IMPG2: variants seen among roughly 807,000 people sequenced by gnomAD.
IMPG2 encodes the protein interphotoreceptor matrix proteoglycan 2.
A neutral mutation model predicts 129.2 loss-of-function variants in IMPG2; 91 were observed. The observed-to-expected ratio is 0.70, with a 90% confidence interval of 0.59 to 0.84. The LOEUF (loss-of-function observed/expected upper bound fraction) is 0.84. IMPG2 is among the 40% of genes least tolerant of loss of function. The probability of loss-of-function intolerance (pLI) is 0.00; values close to 1 mark genes in which losing one functional copy is unlikely to be tolerated. For missense variants in IMPG2, 1,430 were observed against 1,461.7 expected, an observed-to-expected ratio of 0.98 and a Z score of 0.35; for synonymous variants, 510 against 517.7, an observed-to-expected ratio of 0.99 and a Z score of 0.20.
rs765940937 is a variant in IMPG2, at chr3:101,320,308, C to T, written c.65G>A (p.Gly22Glu). 40 of 1,591,986 alleles carry T rather than the reference C, an allele frequency of 2.5e-5. No homozygotes were observed. Among genetic ancestry groups the T allele is most frequent in the Non-Finnish European group, 3.4e-5 (40 of 1,160,768 alleles). Residue 22 changes from glycine (G) to glutamate (E), a missense_variant, in exon 1 of 19, where the codon GGA becomes GAA. Coordinates refer to ENST00000193391, the MANE Select transcript of IMPG2 (RefSeq NM_016247.4). ...LGILIFVLIEGDFPSLTAQTY... is the reference protein window; with the variant it reads ...LGILIFVLIEEDFPSLTAQTY... ...AATACCTGTTAATGATGGAAAGTCTCCTTCTATCAGGACAAATATCAAAAT... is the reference window on the plus strand; with the variant it reads ...AATACCTGTTAATGATGGAAAGTCTTCTTCTATCAGGACAAATATCAAAAT...
At chr3:101,287,486 A>G (rs2107123120) in intron 4 of IMPG2, among the ~76,000 whole-genome samples, 1 of 152,288 alleles carries the variant, frequency 6.6e-6, no homozygotes, top group South Asian at 2.1e-4. Context: ...CCAACTTCCA[A>G]CCACACTATA....
Position 101,244,635 on chromosome 3 carries a change from G to A in IMPG2, c.1696C>T (p.Pro566Ser). The A allele has an allele frequency of 6.2e-7, 1 of 1,612,490 alleles. No individual in the cohort carries two copies. The highest frequency in any genetic ancestry group is 1.1e-5 in the South Asian group (1 of 90,662). The stretch of plus-strand genomic sequence containing the variant: ...GAGGTCAAGGAGTCCAAGCCAAAAG[G>A]TATAGAAGAGGTCAGATATGGTGAA... Reference protein sequence around the residue: ...TSSPYLTSSIPFGLDSLTSKV... With the variant: ...TSSPYLTSSISFGLDSLTSKV... Residue 566 changes from proline (P) to serine (S), a missense_variant, in exon 13 of 19, where the codon CCT becomes TCT. Coordinates refer to ENST00000193391, the MANE Select transcript of IMPG2 (RefSeq NM_016247.4).
At chr3:101,309,215 G>T (rs562958649) in intron 2 of IMPG2, among the ~76,000 whole-genome samples, 1 of 152,166 alleles carries the variant, frequency 6.6e-6, no homozygotes, top group African/African-American at 2.4e-5. Context: ...TCCAACCTCT[G>T]CCTGTTACCC....
At chr3:101,291,534 A>C in intron 3 of IMPG2, 24 bp from the exon 4 acceptor site, 1 of 1,592,982 alleles carries the variant, frequency 6.3e-7, no homozygotes, top group Non-Finnish European at 8.6e-7. Flanking sequence ...AGATATAAAA[A>C]TGACTGAGTT....
Position 101,312,333 on chromosome 3 carries a change from A to T in IMPG2, c.334+7251T>A, listed in dbSNP as rs368780245. Among the ~76,000 whole-genome samples the T allele has an allele frequency of 2.4e-4, 37 of 152,240 alleles. No homozygotes were observed. The East Asian group carries it at 4.6e-3, about 19-fold the overall frequency. On this transcript the variant is annotated intron_variant, in intron 2 of 18. Transcript: ENST00000193391. ...TAAATTACAGCTCAATAATAAAAAGACAAATAACATAATTTAAAAATGGGC... is the reference window on the plus strand; with the variant it reads ...TAAATTACAGCTCAATAATAAAAAGTCAAATAACATAATTTAAAAATGGGC...
At position 101,272,312 on chromosome 3, in the gene IMPG2, G is replaced by A. The variant is rs151042627; in HGVS notation, c.828+1269C>T. On this transcript the variant is annotated intron_variant, in intron 7 of 18. Coordinates refer to ENST00000193391, the MANE Select transcript of IMPG2 (RefSeq NM_016247.4). ...TGAGACATGATCCCCTGCCTCTGCT[G>A]TTTCATGCAAAGTGACTGTTGGTAG... Among the ~76,000 whole-genome samples, 5 of 152,130 alleles carry A rather than the reference G, an allele frequency of 3.3e-5. 1 individual carries two copies. The South Asian group carries it at 1.0e-3, about 32-fold the overall frequency.
rs1439948590 is a variant in IMPG2, at chr3:101,242,771, T to C, written c.2939A>G (p.Tyr980Cys). ...GGTACAAAAGTCTTCCAGAATCATGTACACCGCATTGTTGACGTTAGGAGG... is the reference window on the plus strand; with the variant it reads ...GGTACAAAAGTCTTCCAGAATCATGCACACCGCATTGTTGACGTTAGGAGG... Reference protein sequence around the residue: ...SVPPNVNNAVYMILEDFCTTA... With the variant: ...SVPPNVNNAVCMILEDFCTTA... The change falls in exon 14 of 19, where the codon TAC becomes TGC. Residue 980 changes from tyrosine (Y) to cysteine (C), a missense_variant. By Grantham distance (194) the Tyr-to-Cys change is radical. Coordinates refer to ENST00000193391, the MANE Select transcript of IMPG2 (RefSeq NM_016247.4). 1.2e-6 allele frequency: 2 copies of C among 1,614,030 alleles called. No individual in the cohort carries two copies. The highest frequency in any genetic ancestry group is 1.7e-5 in the Admixed American group (1 of 60,004).
intron 6 of IMPG2, 60 bp from the exon 7 acceptor site, chr3:101,273,802 T>C: frequency 6.7e-7 from 1 of 1,486,092 alleles, no homozygotes; most frequent in Non-Finnish European, 9.4e-7. Flanking sequence ...CAACAAACAT[T>C]TATTGATTGT....
intron 2 of IMPG2, among the ~76,000 whole-genome samples, chr3:101,316,900 A>G (rs2058788388): frequency 6.6e-6 from 1 of 152,140 alleles, no homozygotes; most frequent in African/African-American, 2.4e-5. Flanking sequence ...CTAACAAACT[A>G]TTGATACACA....
In IMPG2 at chr3:101,276,553, A is replaced by G. The variant is rs1346676042; in HGVS notation, c.583+111T>C. The stretch of plus-strand genomic sequence containing the variant: ...ACTCTTGAAAAACGTATTAAAAAAG[A>G]GAAATCTGATATTTTTAAAAGGTAA... On this transcript the variant is annotated intron_variant, in intron 5 of 18. Coordinates refer to ENST00000193391, the MANE Select transcript of IMPG2 (RefSeq NM_016247.4). 6 of 736,340 alleles carry G rather than the reference A, an allele frequency of 8.1e-6. No individual in the cohort carries two copies. The African/African-American group carries it at 1.1e-4, about 13-fold the overall frequency. 45.6% of individuals were successfully genotyped at this position (736,340 alleles called of 1,614,324 possible). A position where few individuals can be genotyped will look rare whatever the true frequency, so the allele number is the denominator to read the frequency against.
At chr3:101,259,015 A>C (rs997089864) in intron 9 of IMPG2, among the ~76,000 whole-genome samples, 1 of 152,206 alleles carries the variant, frequency 6.6e-6, no homozygotes, top group African/African-American at 2.4e-5. Context: ...TAGATTTCTT[A>C]AGATGTAATA....
intron 7 of IMPG2, among the ~76,000 whole-genome samples, chr3:101,271,772 C>G (rs1343207543): frequency 6.6e-6 from 1 of 152,134 alleles, no homozygotes; most frequent in African/African-American, 2.4e-5. Context: ...AGGAAGGGGA[C>G]TCTGTAGAAG....
intron 15 of IMPG2, among the ~76,000 whole-genome samples, chr3:101,232,222 T>C (rs1247556517): frequency 5.9e-5 from 5 of 85,194 alleles, no homozygotes; most frequent in African/African-American, 1.7e-4. Context: ...GTAGGATTTT[T>C]ATTTTTTTTT....
chr3:101,246,903 G>A (rs1706484881), intron 11 of IMPG2, among the ~76,000 whole-genome samples: 1 of 151,858 alleles, frequency 6.6e-6, no homozygotes, highest in South Asian at 2.1e-4. Context: ...CAGCAGTCCA[G>A]ACTGGGCAAT....
chr3:101,268,997 CAGTAA>C (rs1369991443), intron 8 of IMPG2, among the ~76,000 whole-genome samples: 2 of 152,294 alleles, frequency 1.3e-5, no homozygotes, highest in African/African-American at 4.8e-5. Context: ...AGTATTCACT[CAGTAA>C]AGTATTCATT....
In IMPG2 at chr3:101,244,456, A is replaced by G; in HGVS notation, c.1875T>C (p.Ala625=). The part of the protein sequence containing the change: ...PWSETSSEKS[A]EPLSKPWLED... ...CAAGCCACGGCTTGGACAGTGGTTC[A>G]GCGCTCTTCTCTGATGAAGTCTCAC... is the stretch of plus-strand genomic sequence containing the variant. Residue 625 remains alanine (A), a synonymous_variant, in exon 13 of 19, where the codon GCT becomes GCC. Transcript: ENST00000193391. 6.2e-7 allele frequency: 1 copy of G among 1,614,198 alleles called. No individual in the cohort carries two copies. Among genetic ancestry groups the G allele is most frequent in the Non-Finnish European group, 8.5e-7 (1 of 1,180,012 alleles).
chr3:101,257,362 C>A (rs1198741042), intron 10 of IMPG2, among the ~76,000 whole-genome samples, 167 bp downstream of exon 10: 1 of 152,148 alleles, frequency 6.6e-6, no homozygotes, highest in African/African-American at 2.4e-5. Context: ...CCGGATTAAT[C>A]TATCCAAAAT....
At chr3:101,279,971 G>A (rs189355719) in intron 4 of IMPG2, among the ~76,000 whole-genome samples, 3 of 152,290 alleles carry the variant, frequency 2.0e-5, no homozygotes, top group East Asian at 1.9e-4. Context: ...CCCCTGCAGA[G>A]ATCCTTTAAA....
intron 4 of IMPG2, among the ~76,000 whole-genome samples, chr3:101,284,211 CAGG>C (rs965582056): frequency 6.6e-6 from 1 of 152,122 alleles, no homozygotes; most frequent in African/African-American, 2.4e-5. Flanking sequence ...ATGGGAGAAC[CAGG>C]AGTTCAGTTG....
Sources: gnomAD v4.1 joint callset for allele counts (sites outside exome capture counted in the v4.1 genomes callset) on GRCh38, gnomAD v4.1.1 for gene constraint, MANE v1.5 for transcripts, NCBI Gene and HGNC (gene_info 2026-07-23, HGNC 2026-07-21) for gene names.